The following COL23A1 variants were observed in gnomAD, a reference collection of about 807,000 sequenced individuals.
COL23A1 encodes the protein collagen alpha-1(XXIII) chain.
A neutral mutation model predicts 99.3 loss-of-function variants in COL23A1; 97 were observed. The ratio of observed to expected loss-of-function variants is 0.98; its 90% CI spans 0.83 to 1.16. The LOEUF (loss-of-function observed/expected upper bound fraction) is 1.16, where lower values mean the gene tolerates loss of function less well. Ranked by LOEUF, COL23A1 falls within the 50% of genes most tolerant of loss-of-function variation. The pLI is 0.00. For synonymous variants in COL23A1, 320 were observed against 308.2 expected (o/e 1.04, Z -0.40); for missense variants, 762 against 757.4 (o/e 1.01, Z -0.07).
intron 2 of COL23A1, among the ~76,000 whole-genome samples, chr5:178,344,378 T>C (rs1259680705): frequency 6.6e-6 from 1 of 152,174 alleles, no homozygotes; most frequent in African/African-American, 2.4e-5. Flanking sequence ...GGCTCACGCC[T>C]GTAATCCCAG....
At chr5:178,329,832 G>A (rs1207368470) in intron 2 of COL23A1, among the ~76,000 whole-genome samples, 3 of 152,108 alleles carry the variant, frequency 2.0e-5, no homozygotes, top group Non-Finnish European at 4.4e-5. Flanking sequence ...AGCTACTCAG[G>A]AGGCTGAGGC....
At chr5:178,349,506 C>A (rs1222134633) in intron 2 of COL23A1, among the ~76,000 whole-genome samples, 1 of 43,866 alleles carries the variant, frequency 2.3e-5, no homozygotes, top group Non-Finnish European at 4.5e-5. Flanking sequence ...GCCCATCCCC[C>A]ATGCCCCACA....
At chr5:178,348,653 C>T (rs2127673777) in intron 2 of COL23A1, among the ~76,000 whole-genome samples, 1 of 152,322 alleles carries the variant, frequency 6.6e-6, no homozygotes, top group East Asian at 1.9e-4. Context: ...CATTCTGCCT[C>T]AGGAGGGGAA....
chr5:178,312,877 AG>A (rs1409694390), intron 2 of COL23A1, among the ~76,000 whole-genome samples: 2 of 152,224 alleles, frequency 1.3e-5, no homozygotes, highest in Admixed American at 6.5e-5. Context: ...CCTATAGATC[AG>A]GGGAACTGAG....
At chr5:178,430,286 TG>T (rs1318682211) in intron 2 of COL23A1, among the ~76,000 whole-genome samples, 2 of 152,154 alleles carry the variant, frequency 1.3e-5, no homozygotes, top group African/African-American at 4.8e-5. Flanking sequence ...GTGACTTCAC[TG>T]GGGCCCCAGG....
At chr5:178,526,656 G>A (rs1760326999) in intron 2 of COL23A1, among the ~76,000 whole-genome samples, 1 of 152,088 alleles carries the variant, frequency 6.6e-6, no homozygotes, top group Non-Finnish European at 1.5e-5. Flanking sequence ...GGGGAAGAGA[G>A]GGGCTAGCGA....
In COL23A1 at chr5:178,309,078, ACT is replaced by A. The variant is rs1209060138; in HGVS notation, c.362-2161_362-2160del. ...GGCCAGGAATGGGGGAAGTAGCCAGACTCTGCTAGATCCGAAGCAATGCAGCA... is the reference window on the plus strand; with the variant it reads ...GGCCAGGAATGGGGGAAGTAGCCAGACTGCTAGATCCGAAGCAATGCAGCA... On this transcript the variant is annotated intron_variant, in intron 2 of 28. Coordinates refer to ENST00000390654, the MANE Select transcript of COL23A1 (RefSeq NM_173465.4). The surrounding 1 kb of genome is among the most constrained non-coding windows in gnomAD (Gnocchi z 4.7). Among the ~76,000 whole-genome samples, 1 of 151,918 alleles carries A rather than the reference ACT, an allele frequency of 6.6e-6. No homozygotes were observed. Among genetic ancestry groups the A allele is most frequent in the Non-Finnish European group, 1.5e-5 (1 of 67,968 alleles).
intron 2 of COL23A1, among the ~76,000 whole-genome samples, chr5:178,542,836 T>C (rs1761368040): frequency 2.0e-5 from 3 of 152,210 alleles, no homozygotes; most frequent in Admixed American, 2.0e-4. Flanking sequence ...TGCCAGAGAA[T>C]GGTGCTCCTA....
At chr5:178,576,085 T>C (rs2113685227) in intron 1 of COL23A1, among the ~76,000 whole-genome samples, 1 of 152,256 alleles carries the variant, frequency 6.6e-6, no homozygotes, top group East Asian at 1.9e-4. Context: ...ACTGTGTTTC[T>C]CCTTGCGCAG....
intron 2 of COL23A1, among the ~76,000 whole-genome samples, chr5:178,390,793 C>T (rs1447307598): frequency 6.6e-6 from 1 of 152,212 alleles, no homozygotes; most frequent in African/African-American, 2.4e-5. Context: ...CCAGGTGGAT[C>T]AGACTTACAT....
intron 1 of COL23A1, chr5:178,561,818 G>A (rs916089805): frequency 1.3e-5 from 3 of 225,778 alleles, no homozygotes; most frequent in Non-Finnish European, 2.7e-5. Flanking sequence ...TTTAGAGGAG[G>A]AGAGAATTTG....
intron 2 of COL23A1, among the ~76,000 whole-genome samples, chr5:178,456,287 G>A (rs1013599489): frequency 3.3e-5 from 5 of 152,016 alleles, no homozygotes; most frequent in Admixed American, 3.3e-4. Flanking sequence ...TTGTAGTGAG[G>A]GAATAAACAA....
intron 2 of COL23A1, among the ~76,000 whole-genome samples, chr5:178,430,128 C>T (rs1234727160): frequency 1.3e-5 from 2 of 152,180 alleles, no homozygotes; most frequent in Non-Finnish European, 2.9e-5. Flanking sequence ...TTAAGAGCAC[C>T]AGAAACTTCT....
At chr5:178,566,687 G>A (rs1762857529) in intron 1 of COL23A1, among the ~76,000 whole-genome samples, 1 of 151,880 alleles carries the variant, frequency 6.6e-6, no homozygotes, top group Admixed American at 6.6e-5. Flanking sequence ...ATGGTGGCGT[G>A]CACCTGCAAT....
intron 2 of COL23A1, among the ~76,000 whole-genome samples, chr5:178,510,569 A>G (rs1259381505): frequency 6.6e-6 from 1 of 152,190 alleles, no homozygotes; most frequent in Non-Finnish European, 1.5e-5. Context: ...CTAATGCTAA[A>G]TGACGAGTTA....
chr5:178,452,052 A>G (rs1198764755), intron 2 of COL23A1, among the ~76,000 whole-genome samples: 1 of 152,234 alleles, frequency 6.6e-6, no homozygotes, highest in Non-Finnish European at 1.5e-5. Context: ...GTAGCTAGAA[A>G]AATTCCAAAA....
rs1763734735 is a variant in COL23A1 at position 178,387,475 on chromosome 5, C to G, written c.362-80556G>C. The stretch of plus-strand genomic sequence containing the variant: ...ATGTTCCTGCTGCCCTCCTGCAGCT[C>G]AGAGCACCCCTGCCCATGAGCTCTC... On this transcript the variant is annotated intron_variant, in intron 2 of 28. Coordinates refer to ENST00000390654, the MANE Select transcript of COL23A1 (RefSeq NM_173465.4). The surrounding 1 kb of genome is among the most constrained non-coding windows in gnomAD (Gnocchi z 4.7). Among the ~76,000 whole-genome samples, 1 of 152,168 alleles carries G rather than the reference C, an allele frequency of 6.6e-6. No homozygotes were observed.
chr5:178,470,289 T>C (rs1756670542), intron 2 of COL23A1, among the ~76,000 whole-genome samples: 1 of 152,216 alleles, frequency 6.6e-6, no homozygotes, highest in African/African-American at 2.4e-5. Context: ...TGACTCCACC[T>C]GGCTCCACGC....
intron 1 of COL23A1, among the ~76,000 whole-genome samples, chr5:178,586,293 G>A (rs1308717678): frequency 2.6e-5 from 4 of 152,170 alleles, no homozygotes; most frequent in Non-Finnish European, 5.9e-5. Context: ...TTGCATACAT[G>A]GGAGCTGTGA....
Sources: gnomAD v4.1 joint callset for allele counts (sites outside exome capture counted in the v4.1 genomes callset) on GRCh38, gnomAD v4.1.1 for gene constraint, Gnocchi (gnomAD v3.1) non-coding constraint, MANE v1.5 for transcripts, NCBI Gene and HGNC (gene_info 2026-07-23, HGNC 2026-07-21) for gene names.